The following COL14A1 variants were observed in gnomAD, a reference collection of about 807,000 sequenced individuals.
COL14A1 encodes collagen alpha-1(XIV) chain.
A neutral mutation model predicts 230.3 loss-of-function variants in COL14A1; 136 were observed. The observed-to-expected ratio is 0.59, with a 90% CI of 0.51 to 0.68. The LOEUF (loss-of-function observed/expected upper bound fraction) is 0.68, where lower values mean the gene tolerates loss of function less well. COL14A1 is among the 30% of genes least tolerant of loss of function. The pLI is 0.00. For synonymous variants in COL14A1, 792 were observed against 784.1 expected, an observed-to-expected ratio of 1.01 and a Z score of -0.17; for missense variants, 1,976 against 2,215.8, an observed-to-expected ratio of 0.89 and a Z score of 2.17.
rs201356550 is a variant in COL14A1, at chr8:120,202,989, AATATATATATAT to A, written c.878-699_878-688del. Among the ~76,000 whole-genome samples, 410 of 106,544 alleles carry A rather than the reference AATATATATATAT, an allele frequency of 3.8e-3. 4 individuals are homozygous for A. Among genetic ancestry groups the A allele is most frequent in the Middle Eastern group, 0.022 (4 of 178 alleles). 69.9% of individuals were successfully genotyped at this position (106,544 alleles called of 152,430 possible). On this transcript the variant is annotated intron_variant, in intron 8 of 47. Transcript: ENST00000297848. ...ATGCTATACAATAATAATAATTTCA[AATATATATATAT>A]ATATATATATATATATATATTTGTT... is the stretch of plus-strand genomic sequence containing the variant.
intron 40 of COL14A1, among the ~76,000 whole-genome samples, chr8:120,330,193 A>G (rs1424585148): frequency 6.6e-6 from 1 of 152,144 alleles, no homozygotes; most frequent in Non-Finnish European, 1.5e-5. Context: ...GGAAAGGAAA[A>G]CCACAAATAT....
At chr8:120,344,546 A>T (rs1465346746) in intron 44 of COL14A1, among the ~76,000 whole-genome samples, 1 of 152,280 alleles carries the variant, frequency 6.6e-6, no homozygotes, top group Non-Finnish European at 1.5e-5. Flanking sequence ...ACATTGAGTC[A>T]TCAGGAGCGG....
chr8:120,141,776 G>C (rs1189965182), intron 1 of COL14A1, among the ~76,000 whole-genome samples: 2 of 152,030 alleles, frequency 1.3e-5, no homozygotes. Flanking sequence ...AATAGAGAAA[G>C]GCTATTTGAT....
In COL14A1 at chr8:120,266,744, T is replaced by C; in HGVS notation, c.3017-83T>C. On this transcript the variant is annotated intron_variant, in intron 24 of 47. Transcript: ENST00000297848. ...CAGTTGTCAAAATCATTGACTACCC[T>C]GAATATTTATTACTCCATGACCTTC... The C allele has an allele frequency of 3.6e-6, 4 of 1,105,160 alleles. No individual in the cohort carries two copies. The South Asian group carries it at 5.3e-5, about 15-fold the overall frequency. 68.5% of individuals were successfully genotyped at this position (1,105,160 alleles called of 1,614,324 possible).
intron 19 of COL14A1, among the ~76,000 whole-genome samples, chr8:120,234,072 T>C (rs1038296913): frequency 4.0e-5 from 6 of 151,588 alleles, no homozygotes; most frequent in Non-Finnish European, 8.8e-5. Context: ...TTATTCCCTT[T>C]GTAGCAATTG....
chr8:120,190,212 G>C (rs939843599), intron 5 of COL14A1, among the ~76,000 whole-genome samples: 1 of 151,974 alleles, frequency 6.6e-6, no homozygotes, highest in African/African-American at 2.4e-5. Context: ...TTATGGTTTT[G>C]ATATGCATTT....
intron 45 of COL14A1, among the ~76,000 whole-genome samples, chr8:120,349,159 A>T (rs980773212): frequency 2.0e-5 from 3 of 152,084 alleles, no homozygotes; most frequent in Admixed American, 1.3e-4. Flanking sequence ...ATTCCAACAG[A>T]CCTGCAGCTG....
At chr8:120,279,795 G>A in intron 28 of COL14A1, 140 bp from the exon 29 acceptor site, 1 of 774,246 alleles carries the variant, frequency 1.3e-6, no homozygotes, top group Non-Finnish European at 2.0e-6. Flanking sequence ...GAACTCTGAT[G>A]AACTGTAAAG....
chr8:120,182,349 T>C (rs956419897), intron 5 of COL14A1, among the ~76,000 whole-genome samples: 2 of 152,168 alleles, frequency 1.3e-5, no homozygotes, highest in African/African-American at 4.8e-5. Flanking sequence ...CTATTGAGTA[T>C]CTTGTCTCCA....
At chr8:120,174,926 G>A (rs925154186) in intron 5 of COL14A1, among the ~76,000 whole-genome samples, 3 of 152,124 alleles carry the variant, frequency 2.0e-5, no homozygotes, top group Non-Finnish European at 4.4e-5. Context: ...CCCCAACCAG[G>A]TCGTTTATGC....
At chr8:120,225,959 C>T (rs1563682587) in intron 15 of COL14A1, among the ~76,000 whole-genome samples, 1 of 150,830 alleles carries the variant, frequency 6.6e-6, no homozygotes, top group Non-Finnish European at 1.5e-5. Flanking sequence ...AGTTGGGATT[C>T]TCATGGTGTC....
intron 45 of COL14A1, among the ~76,000 whole-genome samples, chr8:120,364,086 C>T (rs1196763129): frequency 1.3e-5 from 2 of 151,748 alleles, no homozygotes; most frequent in Non-Finnish European, 2.9e-5. Context: ...ATTTGGGAGT[C>T]CCATGAGTCT....
intron 14 of COL14A1, among the ~76,000 whole-genome samples, chr8:120,221,746 A>T (rs1817941746): frequency 6.6e-6 from 1 of 152,152 alleles, no homozygotes; most frequent in Non-Finnish European, 1.5e-5. Flanking sequence ...CCAGTTAATA[A>T]TTTTTTGGCT....
rs376046034 is a variant in COL14A1 at position 120,164,683 on chromosome 8, TTGTC to T, written c.349+2117_349+2120del. Among the ~76,000 whole-genome samples the T allele has an allele frequency of 9.5e-4, 145 of 152,328 alleles. No homozygotes were observed. The East Asian group carries it at 0.01, about 11-fold the overall frequency. On this transcript the variant is annotated intron_variant, in intron 4 of 47. Transcript: ENST00000297848. ...ATGTTACATTCTTTTGAGATTCACT[TTGTC>T]TGGGAGCTTTGGAAAAGGTTTTTAT...
intron 47 of COL14A1, 132 bp downstream of exon 47, chr8:120,369,617 C>T (rs74326396): frequency 5.8e-6 from 5 of 866,968 alleles, no homozygotes; most frequent in African/African-American, 1.7e-5. Context: ...GAATGCCTCA[C>T]TTCCTTAAAT....
intron 36 of COL14A1, among the ~76,000 whole-genome samples, chr8:120,301,959 T>TA (rs1200128183): frequency 1.3e-5 from 2 of 152,230 alleles, no homozygotes; most frequent in African/African-American, 4.8e-5. Context: ...TGATCAGTGA[T>TA]ACTGAGCTTT....
Position 120,250,763 on chromosome 8 carries a change from AC to A in COL14A1, c.2750del (p.Thr917AsnfsTer16). 6.2e-7 allele frequency: 1 copy of A among 1,613,874 alleles called. No individual in the cohort carries two copies. Among genetic ancestry groups the A allele is most frequent in the South Asian group, 1.1e-5 (1 of 91,046 alleles). On this transcript the variant is annotated frameshift_variant and splice_region_variant, in exon 22 of 48. Coordinates refer to ENST00000297848, the MANE Select transcript of COL14A1 (RefSeq NM_021110.4). LOFTEE classifies it high-confidence loss of function. Reference sequence around the variant, plus strand: ...CGACGCCCTGACAGGCATGGTGAAAACATGTAAGAGCCATTTCCGATGGCCT... The same window carrying A: ...CGACGCCCTGACAGGCATGGTGAAAAATGTAAGAGCCATTTCCGATGGCCT... The part of the protein sequence containing the change: ...FSDALTGMVK[T>X]LFLGVTNLQA...
At chr8:120,291,060 A>C (rs757533058) in intron 34 of COL14A1, among the ~76,000 whole-genome samples, 3 of 152,224 alleles carry the variant, frequency 2.0e-5, no homozygotes, top group African/African-American at 7.2e-5. Flanking sequence ...GAATGTTTAC[A>C]TGATTTCAAA....
intron 35 of COL14A1, among the ~76,000 whole-genome samples, chr8:120,298,023 T>C (rs1820580179): frequency 6.6e-6 from 1 of 152,086 alleles, no homozygotes; most frequent in Non-Finnish European, 1.5e-5. Flanking sequence ...TTATATTTTA[T>C]TCTTAAATGA....
Sources: allele counts gnomAD v4.1 joint callset (sites outside exome capture counted in the v4.1 genomes callset), GRCh38; gene constraint gnomAD v4.1.1; transcripts MANE v1.5; gene names NCBI Gene and HGNC (gene_info 2026-07-23, HGNC 2026-07-21).